Variants in TAFA5 observed in about 807,000 individuals in gnomAD.
TAFA5 encodes the protein TAFA chemokine like family member 5, also known as chemokine-like protein TAFA-5.
In TAFA5, 6 loss-of-function variants were observed where a neutral mutation model predicts 15.3. That is an observed-to-expected ratio of 0.39 (90% confidence interval 0.21 to 0.77). The LOEUF (loss-of-function observed/expected upper bound fraction) is 0.77. TAFA5 is among the 30% of genes least tolerant of loss of function. TAFA5 has a pLI of 0.41. For missense variants in TAFA5, 161 were observed against 193.1 expected (o/e 0.83, Z 0.98); for synonymous variants, 103 against 80.7 (o/e 1.28, Z -1.48).
chr22:48,511,074 C>G (rs1238015767), intron 1 of TAFA5, among the ~76,000 whole-genome samples: 1 of 152,212 alleles, frequency 6.6e-6, no homozygotes, highest in Non-Finnish European at 1.5e-5. Flanking sequence ...TTAGGGTCAA[C>G]CAGGACATTG....
chr22:48,502,199 T>C (rs1920956044), intron 1 of TAFA5, among the ~76,000 whole-genome samples: 1 of 152,236 alleles, frequency 6.6e-6, no homozygotes, highest in Non-Finnish European at 1.5e-5. Flanking sequence ...CTGAGGAGTC[T>C]GCCTGTCCTG....
At chr22:48,551,917 A>G (rs1285432496) in intron 1 of TAFA5, among the ~76,000 whole-genome samples, 1 of 152,194 alleles carries the variant, frequency 6.6e-6, no homozygotes, top group East Asian at 1.9e-4. Context: ...GATCAAATGA[A>G]TAGCCTCTGA....
At chr22:48,495,866 C>T (rs1362526167) in intron 1 of TAFA5, among the ~76,000 whole-genome samples, 2 of 152,210 alleles carry the variant, frequency 1.3e-5, no homozygotes, top group African/African-American at 4.8e-5. Context: ...GCCCTCCGGC[C>T]CAGGTGGGAG....
intron 2 of TAFA5, among the ~76,000 whole-genome samples, chr22:48,681,964 C>A (rs1928205154): frequency 8.4e-6 from 1 of 118,558 alleles, no homozygotes. Flanking sequence ...ACGGGAGCTC[C>A]CCGTCAAGCA....
intron 1 of TAFA5, among the ~76,000 whole-genome samples, chr22:48,631,278 A>G (rs957065187): frequency 6.6e-6 from 1 of 152,166 alleles, no homozygotes; most frequent in African/African-American, 2.4e-5. Flanking sequence ...CAGGAGCTGC[A>G]GCCCACCCAG....
chr22:48,728,952 G>A (rs1302805042), intron 3 of TAFA5, among the ~76,000 whole-genome samples: 2 of 152,136 alleles, frequency 1.3e-5, no homozygotes, highest in Non-Finnish European at 1.5e-5. Flanking sequence ...TGTTGCACCA[G>A]TCAGCCAAGT....
At chr22:48,556,758 G>A (rs1923053899) in intron 1 of TAFA5, among the ~76,000 whole-genome samples, 1 of 152,148 alleles carries the variant, frequency 6.6e-6, no homozygotes, top group Admixed American at 6.5e-5. Context: ...CTGTTCTCAG[G>A]GACACCCCCC....
intron 1 of TAFA5, among the ~76,000 whole-genome samples, chr22:48,563,716 C>T (rs537590351): frequency 1.2e-4 from 19 of 152,252 alleles, no homozygotes; most frequent in Non-Finnish European, 1.9e-4. Context: ...CTGCTACCAG[C>T]GAGCTGAGCA....
chr22:48,503,917 G>A (rs1920969156), intron 1 of TAFA5, among the ~76,000 whole-genome samples: 1 of 152,118 alleles, frequency 6.6e-6, no homozygotes, highest in Non-Finnish European at 1.5e-5. Flanking sequence ...CCCCGAGTGT[G>A]TGGGGTGCCG....
chr22:48,629,649 TTGA>T (rs540928093), intron 1 of TAFA5, among the ~76,000 whole-genome samples: 69 of 152,274 alleles, frequency 4.5e-4, no homozygotes, highest in Middle Eastern at 3.4e-3. Flanking sequence ...CAGGGGACAT[TTGA>T]TGATGTCTGG....
At chr22:48,687,454 G>T (rs1928400226) in intron 2 of TAFA5, among the ~76,000 whole-genome samples, 1 of 148,002 alleles carries the variant, frequency 6.8e-6, no homozygotes, top group African/African-American at 2.5e-5. Context: ...GGGGTGGGGG[G>T]GCATCTGTGG....
intron 2 of TAFA5, among the ~76,000 whole-genome samples, chr22:48,687,513 CCTT>C (rs1478307584): frequency 6.6e-6 from 1 of 152,062 alleles, no homozygotes; most frequent in African/African-American, 2.4e-5. Flanking sequence ...AACTATGAAG[CCTT>C]CTGTGAGCCT....
chr22:48,588,785 A>T (rs552340067), intron 1 of TAFA5, among the ~76,000 whole-genome samples: 61 of 152,092 alleles, frequency 4.0e-4, no homozygotes, highest in African/African-American at 1.4e-3. Flanking sequence ...CTGGCAGAAG[A>T]CTCAGGAATC....
At chr22:48,505,253 C>G (rs766072552) in intron 1 of TAFA5, among the ~76,000 whole-genome samples, 1 of 152,192 alleles carries the variant, frequency 6.6e-6, no homozygotes, top group Non-Finnish European at 1.5e-5. Context: ...GGAGGGGTCA[C>G]CCTGCGTGGC....
chr22:48,679,917 A>T (rs1928124209), intron 2 of TAFA5, among the ~76,000 whole-genome samples: 1 of 152,022 alleles, frequency 6.6e-6, no homozygotes, highest in African/African-American at 2.4e-5. Context: ...GACCAAGTCC[A>T]CCCCCAGCTC....
intron 1 of TAFA5, among the ~76,000 whole-genome samples, chr22:48,633,678 G>T (rs1926330045): frequency 6.6e-6 from 1 of 152,124 alleles, no homozygotes; most frequent in Non-Finnish European, 1.5e-5. Flanking sequence ...ATTGGTGGGG[G>T]CGGCTGGGGG....
Position 48,600,715 on chromosome 22 carries a change from G to A in TAFA5, c.113-45882G>A, listed in dbSNP as rs535244107. 9.2e-5 allele frequency among the ~76,000 whole-genome samples: 14 copies of A among 152,314 alleles called. No homozygotes were observed. The South Asian group carries it at 1.9e-3, about 20-fold the overall frequency. On this transcript the variant is annotated intron_variant, in intron 1 of 3. Transcript: ENST00000402357. ...ATAAGCAATTCATGAGTTTTAAGCC[G>A]CACGCCCTTCTGCGTAGGGTGGTGG...
rs1928074229 is a variant in TAFA5 at position 48,489,751 on chromosome 22, G to A, written c.112+47G>A. ...CCCCGGCACGGCCCTCTGGGCCCCG[G>A]ACCCCCTCCTCCGGCCCCGGCAGGC... On this transcript the variant is annotated intron_variant, in intron 1 of 3. Coordinates refer to ENST00000402357, the MANE Select transcript of TAFA5 (RefSeq NM_001082967.3). This position sits in a 1 kb window ranked among gnomAD's most constrained non-coding sequence, Gnocchi z 5.5. 15 of 1,221,280 alleles carry A rather than the reference G, an allele frequency of 1.2e-5. No individual in the cohort carries two copies. The highest frequency in any genetic ancestry group is 1.6e-5 in the Non-Finnish European group (15 of 934,246). The allele number at this position is 1,221,280 out of a possible 1,614,324, so 75.7% of individuals were successfully genotyped here.
chr22:48,521,645 C>T (rs1921603078), intron 1 of TAFA5, among the ~76,000 whole-genome samples: 3 of 152,186 alleles, frequency 2.0e-5, no homozygotes, highest in Admixed American at 2.0e-4. Context: ...GCCATCCCAG[C>T]CAGCCGCACG....
Sources: allele counts gnomAD v4.1 joint callset (sites outside exome capture counted in the v4.1 genomes callset), GRCh38; gene constraint gnomAD v4.1.1; non-coding constraint Gnocchi (gnomAD v3.1); transcripts MANE v1.5; gene names NCBI Gene and HGNC (gene_info 2026-07-23, HGNC 2026-07-21).